The following LZTR1 variants were observed in gnomAD, a reference collection of about 807,000 sequenced individuals.
LZTR1 encodes leucine-zipper-like transcriptional regulator 1.
A neutral mutation model predicts 105.7 loss-of-function variants in LZTR1; 260 were observed. That is an observed-to-expected ratio of 2.46 (90% CI 2.22 to 2.72). The LOEUF (loss-of-function observed/expected upper bound fraction) is 2.72. Ranked by LOEUF, LZTR1 falls within the 30% of genes most tolerant of loss-of-function variation. LZTR1 has a pLI of 0.00. For synonymous variants in LZTR1, 490 were observed against 476.4 expected (o/e 1.03, Z -0.37); for missense variants, 1,214 against 1,166.9 (o/e 1.04, Z -0.59).
In LZTR1 at chr22:20,985,827, C is replaced by T. The variant is rs199963374; in HGVS notation, c.264-14C>T. 478 of 1,613,906 alleles carry T rather than the reference C, an allele frequency of 3.0e-4. 7 individuals are homozygous for T. The Middle Eastern group carries it at 0.016, about 53-fold the overall frequency. ...ACCTGGCTAATGCCACCCTCTCTTC[C>T]GGCTGCCTTTCAGGAAGACCATGCT... On this transcript the variant is annotated splice_polypyrimidine_tract_variant and intron_variant, in intron 2 of 20. Transcript: ENST00000646124.
At chr22:20,987,819 C>T (rs1242915050) in intron 4 of LZTR1, among the ~76,000 whole-genome samples, 191 bp from the exon 5 acceptor site, 1 of 152,262 alleles carries the variant, frequency 6.6e-6, no homozygotes, top group Admixed American at 6.5e-5. Context: ...TGGCTGGGAA[C>T]AGTGTCCTGC....
In LZTR1 at chr22:20,994,924, A is replaced by G. The variant is rs775803225; in HGVS notation, c.1840A>G (p.Met614Val). ...GTCCCACTTCAACCAGGTGATCATG[A>G]TGAAGGAGTTCGAGCGCCTCTCCTC... Reference protein sequence around the residue: ...KESHFNQVIMMKEFERLSSPL... With the variant: ...KESHFNQVIMVKEFERLSSPL... The change falls in exon 16 of 21, where the codon ATG becomes GTG. Residue 614 changes from methionine to valine, a missense_variant. Physicochemically the swap from Met to Val is conservative, Grantham distance 21. Transcript: ENST00000646124. 3 of 1,613,402 alleles carry G rather than the reference A, an allele frequency of 1.9e-6. No individual in the cohort carries two copies. Among genetic ancestry groups the G allele is most frequent in the African/African-American group, 1.3e-5 (1 of 75,040 alleles).
intron 6 of LZTR1, among the ~76,000 whole-genome samples, chr22:20,989,212 T>G (rs1924509454): frequency 6.6e-6 from 1 of 152,238 alleles, no homozygotes; most frequent in African/African-American, 2.4e-5. Context: ...TTTTCCTCCT[T>G]ATTTTAGAAA....
chr22:20,987,686 G>C, intron 4 of LZTR1, 103 bp downstream of exon 4: 12 of 1,048,626 alleles, frequency 1.1e-5, no homozygotes, highest in Non-Finnish European at 1.8e-5. Flanking sequence ...GTGTACAGCA[G>C]GGGCTCTCTC....
Position 20,982,576 on chromosome 22 carries a change from G to T in LZTR1, c.200+5G>T, listed in dbSNP as rs1214449764. The T allele has an allele frequency of 6.2e-7, 1 of 1,610,750 alleles. No homozygotes were observed. The highest frequency in any genetic ancestry group is 8.5e-7 in the Non-Finnish European group (1 of 1,178,826). Reference sequence around the variant, plus strand: ...CGACGAGTTCGTGGGTGCCCGGTACGGTGGGCTTCATGGGGTCCTGAGGAC... The same window carrying T: ...CGACGAGTTCGTGGGTGCCCGGTACTGTGGGCTTCATGGGGTCCTGAGGAC... On this transcript the variant is annotated splice_donor_5th_base_variant and intron_variant, in intron 1 of 20. Transcript: ENST00000646124.
In LZTR1 at chr22:20,994,637, G is replaced by A. The variant is rs1319242916; in HGVS notation, c.1695G>A (p.Leu565=). ...TCCAGTTGTGCCGCCTGGAGCAGCT[G>A]TGCCGCCAGTACATCGAGGCCTCCG... ...LSFQLCRLEQ[L]CRQYIEASVD... is the part of the protein sequence containing the mutation. The change falls in exon 15 of 21, where the codon CTG becomes CTA. Residue 565 remains leucine, a synonymous_variant. Transcript: ENST00000646124. The A allele has an allele frequency of 1.9e-6, 3 of 1,612,650 alleles. No individual in the cohort carries two copies. Among genetic ancestry groups the A allele is most frequent in the African/African-American group, 1.3e-5 (1 of 74,922 alleles).
rs1170118415 is a variant in LZTR1 at position 20,991,814 on chromosome 22, C to T, written c.978C>T (p.Pro326=). 8.4e-6 allele frequency: 13 copies of T among 1,549,744 alleles called. No individual in the cohort carries two copies. Among genetic ancestry groups the T allele is most frequent in the Admixed American group, 7.8e-5 (4 of 50,968 alleles). ...TCCAGACCTGGGAGGTCGTCCAGCC[C>T]AGCTCCGACAGCGAGGTGAGGGTGC... ...VDFQTWEVVQ[P]SSDSEVGGAE... The change falls in exon 9 of 21, where the codon CCC becomes CCT. Residue 326 remains proline, a synonymous_variant. Coordinates refer to ENST00000646124, the MANE Select transcript of LZTR1 (RefSeq NM_006767.4).
intron 2 of LZTR1, among the ~76,000 whole-genome samples, chr22:20,983,607 A>C (rs8142657): frequency 6.6e-6 from 1 of 152,166 alleles, no homozygotes; most frequent in Non-Finnish European, 1.5e-5. Context: ...GTATTTGCAC[A>C]TGACTAGTTG....
At position 20,995,028 on chromosome 22, in the gene LZTR1, T is replaced by G. The variant is rs752489470; in HGVS notation, c.1942+2T>G. On this transcript the variant is annotated splice_donor_variant, in intron 16 of 20. Coordinates refer to ENST00000646124, the MANE Select transcript of LZTR1 (RefSeq NM_006767.4). LOFTEE classifies it high-confidence loss of function. ...CCTTGGACCAGCCAGTGGACATTGG[T>G]AGGGAGCCCCGTTCCCCTTCCCTGG... 6.2e-7 allele frequency: 1 copy of G among 1,604,750 alleles called. No homozygotes were observed. The highest frequency in any genetic ancestry group is 8.5e-7 in the Non-Finnish European group (1 of 1,175,244).
chr22:20,990,863 G>A, intron 8 of LZTR1: 1 of 242,102 alleles, frequency 4.1e-6, no homozygotes, highest in South Asian at 5.3e-5. Context: ...AGACCAGAGG[G>A]GCCTGCAGGT....
chr22:20,989,811 G>A, intron 7 of LZTR1, 129 bp downstream of exon 7: 6 of 1,007,118 alleles, frequency 6.0e-6, no homozygotes, highest in Non-Finnish European at 9.0e-6. Flanking sequence ...GGCAGGGGGA[G>A]CCAGGCTGGG....
chr22:20,985,057 C>CT (rs1483916339), intron 2 of LZTR1, among the ~76,000 whole-genome samples: 393 of 104,242 alleles, frequency 3.8e-3, no homozygotes, highest in Non-Finnish European at 5.5e-3. Context: ...GACTTCGTTT[C>CT]TATTTTTTTT....
At chr22:20,987,676 G>C in intron 4 of LZTR1, 93 bp downstream of exon 4, 1 of 1,153,028 alleles carries the variant, frequency 8.7e-7, no homozygotes. Flanking sequence ...TGCTCGTGCT[G>C]TGTACAGCAG....
chr22:20,995,104 G>C (rs1443995701), intron 16 of LZTR1, 78 bp downstream of exon 16: 1 of 1,506,042 alleles, frequency 6.6e-7, no homozygotes, highest in African/African-American at 1.4e-5. Context: ...GAGCCATGGA[G>C]AGCACCTGCC....
At chr22:20,995,470 G>T in intron 16 of LZTR1, 1 of 659,466 alleles carries the variant, frequency 1.5e-6, no homozygotes, top group South Asian at 1.5e-5. Context: ...GGCCTGGAGG[G>T]GGCTTGATCA....
At chr22:20,989,148 G>T (rs551056878) in intron 6 of LZTR1, among the ~76,000 whole-genome samples, 1 of 152,388 alleles carries the variant, frequency 6.6e-6, no homozygotes, top group Non-Finnish European at 1.5e-5. Context: ...TGGTGGGCGG[G>T]TGGGCGGTGC....
intron 10 of LZTR1, 155 bp downstream of exon 10, chr22:20,992,524 G>C: frequency 1.1e-6 from 1 of 911,242 alleles, no homozygotes; most frequent in Non-Finnish European, 1.6e-6. Flanking sequence ...CACCCTGCTG[G>C]CCAGGCTGCA....
intron 9 of LZTR1, 140 bp from the exon 10 acceptor site, chr22:20,992,074 A>C: frequency 1.2e-6 from 1 of 849,838 alleles, no homozygotes; most frequent in Non-Finnish European, 1.8e-6. Flanking sequence ...GCTGTGCTGC[A>C]GACCTTTCCT....
intron 8 of LZTR1, 157 bp from the exon 9 acceptor site, chr22:20,991,471 G>A: frequency 1.6e-6 from 1 of 625,466 alleles, no homozygotes; most frequent in Non-Finnish European, 2.8e-6. Context: ...TGGGGTGAGA[G>A]GTGCTCAGCG....
Sources: allele counts gnomAD v4.1 joint callset (sites outside exome capture counted in the v4.1 genomes callset), GRCh38; gene constraint gnomAD v4.1.1; transcripts MANE v1.5; gene names NCBI Gene and HGNC (gene_info 2026-07-23, HGNC 2026-07-21).